Variants in MICAL2 observed in about 807,000 individuals in gnomAD.
MICAL2 encodes microtubule associated monooxygenase, calponin and LIM domain containing 2, also known as [F-actin]-monooxygenase MICAL2.
Under a neutral mutation model 127.3 loss-of-function variants are expected in MICAL2, and 77 were observed. The ratio of observed to expected loss-of-function variants is 0.60; its 90% CI spans 0.50 to 0.73. The LOEUF is 0.73. MICAL2 is among the 30% of genes least tolerant of loss of function. MICAL2 has a pLI of 0.00. For synonymous variants in MICAL2, 570 were observed against 551.1 expected (o/e 1.03, Z -0.48); for missense variants, 1,351 against 1,434.4 (o/e 0.94, Z 0.94).
chr11:12,178,277 A>C (rs1217226601), intron 3 of MICAL2, among the ~76,000 whole-genome samples: 4 of 152,218 alleles, frequency 2.6e-5, no homozygotes, highest in Non-Finnish European at 5.9e-5. Context: ...GAACAAAAAA[A>C]CCCCAACTTT....
intron 2 of MICAL2, among the ~76,000 whole-genome samples, chr11:12,159,810 G>A (rs1320952382): frequency 6.6e-6 from 1 of 152,206 alleles, no homozygotes; most frequent in Non-Finnish European, 1.5e-5. Flanking sequence ...CATTGCACAT[G>A]GGGAAAGTGG....
chr11:12,305,005 GGGGAGAAT>G (rs1481952528), intron 29 of MICAL2, among the ~76,000 whole-genome samples: 1 of 152,072 alleles, frequency 6.6e-6, no homozygotes, highest in Non-Finnish European at 1.5e-5. Context: ...AGATAAATTT[GGGGAGAAT>G]TAACGTCTTT....
intron 29 of MICAL2, among the ~76,000 whole-genome samples, chr11:12,319,136 C>T (rs1810434665): frequency 6.6e-6 from 1 of 151,854 alleles, no homozygotes; most frequent in African/African-American, 2.4e-5. Context: ...CTTCTGATTA[C>T]ATTTGGGATT....
downstream of MICAL2, chr11:12,294,192 C>A (rs755371071): frequency 6.9e-5 from 111 of 1,613,834 alleles, 2 homozygotes; most frequent in Admixed American, 1.7e-3. Context: ...GGGACCCCTG[C>A]GGAACAAGCT....
chr11:12,242,952 G>A, intron 20 of MICAL2, 180 bp downstream of exon 20: 2 of 490,980 alleles, frequency 4.1e-6, no homozygotes, highest in South Asian at 3.1e-5. Flanking sequence ...CAAATGCGAA[G>A]ATTCAAAATA....
chr11:12,332,060 A>AC (rs1938645361), intron 32 of MICAL2, among the ~76,000 whole-genome samples: 1 of 151,704 alleles, frequency 6.6e-6, no homozygotes, highest in Non-Finnish European at 1.5e-5. Flanking sequence ...TCACTCCCAC[A>AC]CCCCCGCCAC....
intron 32 of MICAL2, among the ~76,000 whole-genome samples, chr11:12,337,443 C>G (rs1475650746): frequency 6.6e-6 from 1 of 152,056 alleles, no homozygotes; most frequent in Non-Finnish European, 1.5e-5. Flanking sequence ...TTTTTTGTGT[C>G]TCTATTTCCT....
chr11:12,229,723 C>T (rs1252162273), intron 15 of MICAL2, among the ~76,000 whole-genome samples: 1 of 152,220 alleles, frequency 6.6e-6, no homozygotes, highest in Non-Finnish European at 1.5e-5. Flanking sequence ...AGCCAGGCCT[C>T]CCAAGGGCTG....
At chr11:12,294,151 G>A, downstream of MICAL2, 1 of 1,614,010 alleles carries the variant, frequency 6.2e-7, no homozygotes. Context: ...GAGAGCCCCT[G>A]CCAACCCAGA....
intron 3 of MICAL2, among the ~76,000 whole-genome samples, chr11:12,200,243 T>C (rs1860523039): frequency 6.6e-6 from 1 of 152,188 alleles, no homozygotes; most frequent in African/African-American, 2.4e-5. Context: ...ACACAGCTCA[T>C]GGGAGCGCGG....
At chr11:12,219,204 T>C (rs1351755883) in intron 8 of MICAL2, among the ~76,000 whole-genome samples, 1 of 152,200 alleles carries the variant, frequency 6.6e-6, no homozygotes, top group African/African-American at 2.4e-5. Flanking sequence ...GTACTTTTTG[T>C]GTCACCTTTG....
intron 2 of MICAL2, among the ~76,000 whole-genome samples, chr11:12,158,246 G>A (rs554852084): frequency 3.3e-5 from 5 of 152,210 alleles, no homozygotes; most frequent in Non-Finnish European, 7.4e-5. Flanking sequence ...AAGCATTTTG[G>A]ATAAGGGATA....
chr11:12,234,359 A>G (rs916860464), intron 15 of MICAL2, among the ~76,000 whole-genome samples: 2 of 151,708 alleles, frequency 1.3e-5, no homozygotes, highest in African/African-American at 4.8e-5. Context: ...CTTGTTGGGT[A>G]GGACATTCTG....
At chr11:12,294,452 C>T, downstream of MICAL2, 1 of 1,614,224 alleles carries the variant, frequency 6.2e-7, no homozygotes, top group Non-Finnish European at 8.5e-7. Flanking sequence ...CCCTCCTGAC[C>T]CTGCCCTCCG....
Position 12,230,542 on chromosome 11 carries a change from C to A in MICAL2, c.1995+3411C>A, listed in dbSNP as rs1380374743. Among the ~76,000 whole-genome samples, 3 of 152,268 alleles carry A rather than the reference C, an allele frequency of 2.0e-5. No homozygotes were observed. The East Asian group carries it at 5.8e-4, about 29-fold the overall frequency. The stretch of plus-strand genomic sequence containing the variant: ...TATTTGACCTTCCTCCCTGCCCCTC[C>A]CTAACTTCCTCTCTGTCTTCCAGAG... On this transcript the variant is annotated intron_variant, in intron 15 of 27. Transcript: ENST00000683283.
intron 34 of MICAL2, chr11:12,358,249 G>A (rs779301121): frequency 6.3e-7 from 1 of 1,584,848 alleles, no homozygotes; most frequent in East Asian, 2.2e-5. Flanking sequence ...AACTCTGCCG[G>A]GGCCCAATCT....
intron 2 of MICAL2, among the ~76,000 whole-genome samples, chr11:12,139,546 G>A (rs937382576): frequency 3.3e-5 from 5 of 152,198 alleles, no homozygotes; most frequent in African/African-American, 1.2e-4. Flanking sequence ...AGCTGGCCTG[G>A]TGGGCGCTGA....
At chr11:12,329,543 C>A (rs1360121279) in intron 32 of MICAL2, among the ~76,000 whole-genome samples, 1 of 152,202 alleles carries the variant, frequency 6.6e-6, no homozygotes, top group Middle Eastern at 3.2e-3. Flanking sequence ...CTATTCCACT[C>A]CGCTTAGGCT....
intron 32 of MICAL2, among the ~76,000 whole-genome samples, chr11:12,338,955 G>C (rs1321374211): frequency 1.3e-5 from 2 of 152,158 alleles, no homozygotes; most frequent in Non-Finnish European, 2.9e-5. Flanking sequence ...TTCTCGAGGA[G>C]TATCTTTGCG....
Sources: allele counts gnomAD v4.1 joint callset (sites outside exome capture counted in the v4.1 genomes callset), GRCh38; gene constraint gnomAD v4.1.1; transcripts MANE v1.5; gene names NCBI Gene and HGNC (gene_info 2026-07-23, HGNC 2026-07-21).